Variants in MSI1 observed in about 807,000 individuals in gnomAD.
MSI1 encodes the protein musashi RNA binding protein 1, also known as RNA-binding protein Musashi homolog 1.
MSI1 carries 15 observed loss-of-function variants against 54.4 expected under a neutral mutation model. The observed-to-expected ratio is 0.28, with a 90% CI of 0.18 to 0.42. MSI1 has a LOEUF of 0.42. Among genes scored for constraint, MSI1 ranks in the 20% least tolerant of loss-of-function variants. MSI1 has a pLI of 1.00. For missense variants in MSI1, 304 were observed against 506.0 expected (o/e 0.60, Z 3.83); for synonymous variants, 200 against 196.5 (o/e 1.02, Z -0.15).
intron 8 of MSI1, among the ~76,000 whole-genome samples, chr12:120,357,367 C>G (rs1875223334): frequency 1.3e-5 from 2 of 152,200 alleles, no homozygotes; most frequent in South Asian, 4.1e-4. Flanking sequence ...GTTGGAAGAA[C>G]TGGCTCTGCC....
At chr12:120,363,852 G>A (rs943662847) in intron 5 of MSI1, among the ~76,000 whole-genome samples, 1 of 152,234 alleles carries the variant, frequency 6.6e-6, no homozygotes, top group East Asian at 1.9e-4. Flanking sequence ...AGGAGTTGGG[G>A]GACTTGATGG....
intron 11 of MSI1, among the ~76,000 whole-genome samples, chr12:120,349,706 G>A (rs1218441077): frequency 6.6e-6 from 1 of 152,232 alleles, no homozygotes; most frequent in Admixed American, 6.5e-5. Context: ...TCCAAGGCTA[G>A]AGGAAAGTTC....
At chr12:120,345,226 T>G (rs1295965822) in intron 14 of MSI1, among the ~76,000 whole-genome samples, 3 of 151,874 alleles carry the variant, frequency 2.0e-5, no homozygotes, top group Non-Finnish European at 4.4e-5. Context: ...TGGTGGCAGG[T>G]GCTTGCAGTC....
Position 120,346,155 on chromosome 12 carries a change from C to T in MSI1, c.1027G>A (p.Gly343Ser), listed in dbSNP as rs1253933590. 5 of 1,589,094 alleles carry T rather than the reference C, an allele frequency of 3.1e-6. No individual in the cohort carries two copies. The highest frequency in any genetic ancestry group is 1.7e-5 in the Admixed American group (1 of 57,450). Residue 343 changes from glycine to serine, a missense_variant, in exon 13 of 15, where the codon GGC becomes AGC. Gly to Ser is a moderately conservative substitution (Grantham distance 56, BLOSUM62 0). Transcript: ENST00000257552. ...ISAASPAPST[G>S]FGHSLGGPLI... ...CTCACCCCAAGACTGTGGCCGAAGC[C>T]GGTGCTGGGGGCAGGGCTGGCGGCG...
At chr12:120,341,251 G>A (rs1314098207), downstream of MSI1, 1 of 152,418 alleles carries the variant, frequency 6.6e-6, no homozygotes, top group African/African-American at 2.4e-5. Flanking sequence ...AGAGGATGGA[G>A]GTGAGTCCTG....
rs2136979872 is a variant in MSI1, at chr12:120,363,149, G to A, written c.310-14C>T. The A allele has an allele frequency of 6.2e-7, 1 of 1,612,098 alleles. No homozygotes were observed. Among genetic ancestry groups the A allele is most frequent in the East Asian group, 2.2e-5 (1 of 44,846 alleles). ...TCGAGTCACCATCTGTTAGGGGAGGGAATGAGAAAGTGGGCATCTGAGTCC... is the reference window on the plus strand; with the variant it reads ...TCGAGTCACCATCTGTTAGGGGAGGAAATGAGAAAGTGGGCATCTGAGTCC... On this transcript the variant is annotated splice_polypyrimidine_tract_variant and intron_variant, in intron 5 of 14. Coordinates refer to ENST00000257552, the MANE Select transcript of MSI1 (RefSeq NM_002442.4).
chr12:120,344,540 C>T (rs1335117760), intron 14 of MSI1, among the ~76,000 whole-genome samples: 7 of 151,572 alleles, frequency 4.6e-5, no homozygotes, highest in Non-Finnish European at 2.9e-5. Flanking sequence ...CCCATCTCTA[C>T]AAAAAAATTT....
At chr12:120,340,447 T>G (rs1487727314), downstream of MSI1, among the ~76,000 whole-genome samples, 1 of 152,210 alleles carries the variant, frequency 6.6e-6, no homozygotes, top group Non-Finnish European at 1.5e-5. Flanking sequence ...AATTTACTAT[T>G]CTTTGTCCAA....
intron 11 of MSI1, among the ~76,000 whole-genome samples, chr12:120,347,770 G>C (rs554942728): frequency 6.6e-6 from 1 of 152,288 alleles, no homozygotes; most frequent in South Asian, 2.1e-4. Flanking sequence ...CTGGTCTGGG[G>C]GGACATGCTT....
chr12:120,346,456 A>G, intron 12 of MSI1, 134 bp from the exon 13 acceptor site: 1 of 870,476 alleles, frequency 1.1e-6, no homozygotes, highest in South Asian at 2.2e-5. Context: ...CCTCCTGGAG[A>G]TCTCCCCATG....
chr12:120,358,892 G>A (rs1384116251), intron 7 of MSI1, 113 bp downstream of exon 7: 3 of 1,237,964 alleles, frequency 2.4e-6, no homozygotes, highest in African/African-American at 1.5e-5. Flanking sequence ...GGGAGAGGAC[G>A]CAGATCCTGG....
chr12:120,346,198 C>G lies in MSI1; in HGVS notation c.984G>C (p.Gly328=), dbSNP rs961656446. The part of the protein sequence containing the change: ...ELYGAANQDS[G]VSSYISAASP... ...TGGCGGCGCTGATGTAACTGCTGAC[C>G]CCCGAGTCCTGGTTGGCCGCCCCGT... Residue 328 remains glycine (G), a synonymous_variant, in exon 13 of 15, where the codon GGG becomes GGC. Transcript: ENST00000257552. 3.7e-6 allele frequency: 6 copies of G among 1,600,048 alleles called. No individual in the cohort carries two copies. In the South Asian group the frequency reaches 6.8e-5, roughly 18 times the overall value.
In MSI1 at chr12:120,353,395, G is replaced by C; in HGVS notation, c.653-16C>G. ...CCTGGGTAACCTGATGGGGCAAGGG[G>C]GCAGTGTCAGATGGCTCATCCACAG... On this transcript the variant is annotated splice_polypyrimidine_tract_variant and intron_variant, in intron 9 of 14. Coordinates refer to ENST00000257552, the MANE Select transcript of MSI1 (RefSeq NM_002442.4). The C allele has an allele frequency of 6.2e-7, 1 of 1,613,296 alleles. No homozygotes were observed. Among genetic ancestry groups the C allele is most frequent in the African/African-American group, 1.3e-5 (1 of 74,978 alleles).
chr12:120,351,541 C>T (rs1874597323), intron 10 of MSI1, 141 bp from the exon 11 acceptor site: 3 of 690,686 alleles, frequency 4.3e-6, no homozygotes, highest in Non-Finnish European at 7.3e-6. Flanking sequence ...AGGGGGAGAG[C>T]ACAGTTCCCA....
In MSI1 at chr12:120,368,651, G is replaced by A. The variant is rs1369926411; in HGVS notation, c.100+182C>T. Among the ~76,000 whole-genome samples the A allele has an allele frequency of 6.6e-6, 1 of 150,850 alleles. No individual in the cohort carries two copies. Among genetic ancestry groups the A allele is most frequent in the South Asian group, 2.1e-4 (1 of 4,728 alleles). On this transcript the variant is annotated intron_variant, in intron 2 of 14. Coordinates refer to ENST00000257552, the MANE Select transcript of MSI1 (RefSeq NM_002442.4). The surrounding 1 kb of genome is among the most constrained non-coding windows in gnomAD (Gnocchi z 6.6). ...ACCCCTCATCTGCTCCCCTCCACCC[G>A]CTGGGCCGGGTGCGCTCGCGGATCG...
At chr12:120,346,001 A>T in intron 13 of MSI1, 134 bp downstream of exon 13, 1 of 814,904 alleles carries the variant, frequency 1.2e-6, no homozygotes, top group Non-Finnish European at 1.8e-6. Context: ...ACTCTTCCTT[A>T]GTGATCTTTC....
intron 10 of MSI1, 95 bp downstream of exon 10, chr12:120,353,204 C>G (rs1874787443): frequency 1.6e-6 from 2 of 1,214,728 alleles, no homozygotes; most frequent in South Asian, 2.6e-5. Context: ...GCAAGCAGAC[C>G]CCCAGCCATG....
At chr12:120,365,552 C>A (rs1875964049) in intron 4 of MSI1, among the ~76,000 whole-genome samples, 1 of 152,266 alleles carries the variant, frequency 6.6e-6, no homozygotes, top group Non-Finnish European at 1.5e-5. Context: ...GCAATTCAGG[C>A]TTTGGAAACC....
rs1458528312 is a variant in MSI1 at position 120,364,799 on chromosome 12, T to G, written c.268-44A>C. The G allele has an allele frequency of 1.9e-6, 3 of 1,564,374 alleles. No homozygotes were observed. In the African/African-American group the frequency reaches 4.1e-5, roughly 21 times the overall value. ...GTAGAAGGGGTCTTGGTTATCGCAT[T>G]TTTAGAAGAGCGACCACACAGCCTT... On this transcript the variant is annotated intron_variant, in intron 4 of 14. Transcript: ENST00000257552.
Sources: gnomAD v4.1 joint callset for allele counts (sites outside exome capture counted in the v4.1 genomes callset) on GRCh38, gnomAD v4.1.1 for gene constraint, Gnocchi (gnomAD v3.1) non-coding constraint, MANE v1.5 for transcripts, NCBI Gene and HGNC (gene_info 2026-07-23, HGNC 2026-07-21) for gene names.